ATG13: variants seen among roughly 807,000 people sequenced by gnomAD.
ATG13 encodes the protein autophagy related 13.
Under a neutral mutation model 65.5 loss-of-function variants are expected in ATG13, and 23 were observed. That is an observed-to-expected ratio of 0.35 (90% CI 0.25 to 0.50). The LOEUF (loss-of-function observed/expected upper bound fraction) is 0.50, where lower values mean the gene tolerates loss of function less well. ATG13 is among the 20% of genes least tolerant of loss of function. The pLI is 0.98. For missense variants in ATG13, 566 were observed against 677.0 expected, an observed-to-expected ratio of 0.84 and a Z score of 1.82; for synonymous variants, 252 against 245.2, an observed-to-expected ratio of 1.03 and a Z score of -0.26.
chr11:46,644,114 A>G (rs2056901742), intron 2 of ATG13, among the ~76,000 whole-genome samples, 165 bp from the exon 3 acceptor site: 1 of 152,162 alleles, frequency 6.6e-6, no homozygotes, highest in South Asian at 2.1e-4. Context: ...AAGAGATAGT[A>G]TCTCAGTATT....
chr11:46,637,419 G>A (rs2054337598), intron 2 of ATG13, among the ~76,000 whole-genome samples: 1 of 152,074 alleles, frequency 6.6e-6, no homozygotes, highest in Non-Finnish European at 1.5e-5. Flanking sequence ...TTAATCTTTC[G>A]TTTGATGGTA....
intron 1 of ATG13, among the ~76,000 whole-genome samples, chr11:46,629,506 C>T (rs2050922441): frequency 6.6e-6 from 1 of 152,082 alleles, no homozygotes; most frequent in African/African-American, 2.4e-5. Context: ...AAGCGATTCT[C>T]CTGCCTCAGC....
chr11:46,628,037 C>T (rs1177112320), intron 1 of ATG13, among the ~76,000 whole-genome samples: 2 of 145,172 alleles, frequency 1.4e-5, no homozygotes, highest in African/African-American at 5.2e-5. Flanking sequence ...GAGCTGTGAT[C>T]GGGCCACTGC....
intron 2 of ATG13, among the ~76,000 whole-genome samples, chr11:46,634,809 C>T (rs751376583): frequency 9.9e-5 from 15 of 152,040 alleles, no homozygotes; most frequent in Non-Finnish European, 2.2e-4. Context: ...TCAAATGATT[C>T]TCCTGCCTCA....
intron 1 of ATG13, among the ~76,000 whole-genome samples, chr11:46,628,074 C>T (rs2050326960): frequency 6.9e-6 from 1 of 145,912 alleles, no homozygotes; most frequent in South Asian, 2.2e-4. Flanking sequence ...AGGATTGAGA[C>T]CTTGTCTCAA....
chr11:46,633,046 A>T, intron 2 of ATG13, among the ~76,000 whole-genome samples: 1 of 127,788 alleles, frequency 7.8e-6, no homozygotes, highest in Non-Finnish European at 1.6e-5. Context: ...TTTTTTGGCA[A>T]CGGGGTCTTG....
chr11:46,647,244 G>A (rs1391229431), intron 5 of ATG13, among the ~76,000 whole-genome samples: 5 of 151,098 alleles, frequency 3.3e-5, no homozygotes, highest in Non-Finnish European at 7.4e-5. Context: ...TTGCTGGGTG[G>A]TGGTGGTGGT....
At chr11:46,619,870 A>T (rs2046845506) in intron 1 of ATG13, among the ~76,000 whole-genome samples, 1 of 151,488 alleles carries the variant, frequency 6.6e-6, no homozygotes, top group African/African-American at 2.4e-5. Flanking sequence ...TCTACTAAAA[A>T]TACAAAAAGT....
In ATG13 at chr11:46,637,019, G is replaced by A. The variant is rs974412047; in HGVS notation, c.-14+6919G>A. The stretch of plus-strand genomic sequence containing the variant: ...TGGGATTACAGGTGTGAGCCACTGC[G>A]CCCAGCCATTGAGAAAGAATTCTAC... On this transcript the variant is annotated intron_variant, in intron 2 of 18. Coordinates refer to ENST00000683050, the MANE Select transcript of ATG13 (RefSeq NM_001346311.2). Among the ~76,000 whole-genome samples the A allele has an allele frequency of 3.3e-5, 5 of 152,146 alleles. 1 individual carries two copies. In the East Asian group the frequency reaches 9.7e-4, roughly 30 times the overall value.
chr11:46,641,407 T>G (rs2055967749), intron 2 of ATG13, among the ~76,000 whole-genome samples: 1 of 152,170 alleles, frequency 6.6e-6, no homozygotes, highest in South Asian at 2.1e-4. Context: ...ATTCATGAGA[T>G]AGGGTACTAT....
At chr11:46,646,794 C>T (rs1441875883) in intron 5 of ATG13, among the ~76,000 whole-genome samples, 1 of 150,614 alleles carries the variant, frequency 6.6e-6, no homozygotes, top group Non-Finnish European at 1.5e-5. Context: ...GGGTCTTGCT[C>T]AGTTACCCAG....
At position 46,667,847 on chromosome 11, in the gene ATG13, T is replaced by C. The variant is rs757139479; in HGVS notation, c.1211T>C (p.Val404Ala). 2 of 1,612,924 alleles carry C rather than the reference T, an allele frequency of 1.2e-6. No individual in the cohort carries two copies. Among genetic ancestry groups the C allele is most frequent in the Non-Finnish European group, 8.5e-7 (1 of 1,179,084 alleles). The change falls in exon 15 of 19, where the codon GTC becomes GCC. Residue 404 changes from valine to alanine, a missense_variant. Val to Ala is a moderately conservative substitution (Grantham distance 64). Transcript: ENST00000683050. The stretch of plus-strand genomic sequence containing the variant: ...CACGATGTCTTGGAGACCATCTTTG[T>C]CCGAAAAGTGGGGGCTTTTGTCAAC... ...SPHDVLETIF[V>A]RKVGAFVNKP... is the part of the protein sequence containing the mutation.
At chr11:46,667,717 C>A in intron 14 of ATG13, 56 bp from the exon 15 acceptor site, 1 of 1,398,982 alleles carries the variant, frequency 7.1e-7, no homozygotes, top group Non-Finnish European at 1.0e-6. Flanking sequence ...TTATAGTGAA[C>A]TAAGTCGTCC....
At chr11:46,625,961 CGTTT>C (rs538996604) in intron 1 of ATG13, among the ~76,000 whole-genome samples, 4 of 151,914 alleles carry the variant, frequency 2.6e-5, no homozygotes, top group East Asian at 3.9e-4. Context: ...TTGTTTCTTT[CGTTT>C]GTTTGTTTGT....
intron 2 of ATG13, among the ~76,000 whole-genome samples, chr11:46,637,794 G>C (rs1354677643): frequency 6.6e-6 from 1 of 152,204 alleles, no homozygotes; most frequent in Non-Finnish European, 1.5e-5. Flanking sequence ...AAAAAGGGAA[G>C]GTTTCAAGTT....
At chr11:46,651,653 G>A (rs1317231361) in intron 7 of ATG13, among the ~76,000 whole-genome samples, 1 of 152,208 alleles carries the variant, frequency 6.6e-6, no homozygotes, top group African/African-American at 2.4e-5. Context: ...GGGACCAAAG[G>A]AGGAGAGACT....
At chr11:46,644,255 A>G in intron 2 of ATG13, 24 bp from the exon 3 acceptor site, 2 of 1,519,946 alleles carry the variant, frequency 1.3e-6, no homozygotes, top group Non-Finnish European at 1.8e-6. Flanking sequence ...TATTAGTCAT[A>G]TTTTTTTCAC....
intron 7 of ATG13, among the ~76,000 whole-genome samples, chr11:46,653,716 C>A (rs1450359285): frequency 6.6e-6 from 1 of 151,352 alleles, no homozygotes; most frequent in Non-Finnish European, 1.5e-5. Context: ...ACTACAGGCA[C>A]CCGCCACCAC....
chr11:46,668,642 G>C, intron 16 of ATG13, 66 bp downstream of exon 16: 1 of 1,559,606 alleles, frequency 6.4e-7, no homozygotes, highest in Non-Finnish European at 8.8e-7. Flanking sequence ...TCCTGAGCCA[G>C]AGTCACTAAT....
Sources: gnomAD v4.1 joint callset for allele counts (sites outside exome capture counted in the v4.1 genomes callset) on GRCh38, gnomAD v4.1.1 for gene constraint, MANE v1.5 for transcripts, NCBI Gene and HGNC (gene_info 2026-07-23, HGNC 2026-07-21) for gene names.